Variants in XNDC1N observed in about 807,000 individuals in gnomAD.
The protein encoded by XNDC1N is protein XNDC1N.
At chr11:71,869,200 G>C in the XNDC1N span, among the ~76,000 whole-genome samples, 27,803 of 150,672 alleles carry the variant, frequency 0.18, 4,745 homozygotes, top group African/African-American at 0.45. Context: ...ATCCCTCCCC[G>C]CTCCCACTAC....
At chr11:71,875,450 A>C in the XNDC1N span, among the ~76,000 whole-genome samples, 2 of 152,148 alleles carry the variant, frequency 1.3e-5, no homozygotes, top group Non-Finnish European at 2.9e-5. Context: ...ATAGGCATAT[A>C]TGTGTTTGTC....
chr11:71,866,609 C>T, the XNDC1N span, among the ~76,000 whole-genome samples: 1 of 152,114 alleles, frequency 6.6e-6, no homozygotes, highest in East Asian at 1.9e-4. Context: ...ACTAAAAATA[C>T]AAAAATTAGC....
At chr11:71,925,048 G>A in the XNDC1N span, among the ~76,000 whole-genome samples, 3 of 151,460 alleles carry the variant, frequency 2.0e-5, no homozygotes, top group Non-Finnish European at 4.4e-5. Context: ...CATTGCCTCT[G>A]CTTGGAATGT....
At chr11:71,898,041 G>T in the XNDC1N span, among the ~76,000 whole-genome samples, 1 of 152,042 alleles carries the variant, frequency 6.6e-6, no homozygotes, top group Non-Finnish European at 1.5e-5. Flanking sequence ...AAAATGAAAC[G>T]AGCGTGGTGG....
the XNDC1N span, among the ~76,000 whole-genome samples, chr11:71,921,765 C>T: frequency 5.9e-5 from 9 of 151,952 alleles, no homozygotes; most frequent in Non-Finnish European, 1.0e-4. Context: ...CATACTTGTC[C>T]CCCTCTCCCT....
chr11:71,871,388 A>G, the XNDC1N span, among the ~76,000 whole-genome samples: 28,699 of 151,488 alleles, frequency 0.19, 4,956 homozygotes, highest in African/African-American at 0.46. Flanking sequence ...GTAAAGGGAT[A>G]AGGATATCAT....
chr11:71,909,729 G>A, the XNDC1N span, among the ~76,000 whole-genome samples: 1 of 152,172 alleles, frequency 6.6e-6, no homozygotes, highest in African/African-American at 2.4e-5. Flanking sequence ...CTTTCTGCTT[G>A]TCTCAGACTT....
At chr11:71,894,051 CA>C in the XNDC1N span, 1 of 574,224 alleles carries the variant, frequency 1.7e-6, no homozygotes. Context: ...ACAGCGTCAT[CA>C]ATAGCATATT....
At chr11:71,870,593 A>T in the XNDC1N span, among the ~76,000 whole-genome samples, 1 of 152,234 alleles carries the variant, frequency 6.6e-6, no homozygotes, top group Non-Finnish European at 1.5e-5. Flanking sequence ...AATTAAAGAG[A>T]CAGTCTACAG....
chr11:71,913,665 T>TAAAAAA, the XNDC1N span, among the ~76,000 whole-genome samples: 23 of 105,340 alleles, frequency 2.2e-4, no homozygotes, highest in South Asian at 3.0e-4. Context: ...TCTCAAAAGA[T>TAAAAAA]AAAAAAAAAA....
the XNDC1N span, among the ~76,000 whole-genome samples, chr11:71,919,389 C>CTTTT: frequency 3.7e-5 from 5 of 134,518 alleles, no homozygotes; most frequent in South Asian, 4.7e-4. Flanking sequence ...AAGCAGAGCT[C>CTTTT]TTTTTTTTTT....
chr11:71,918,380 C>A, the XNDC1N span, among the ~76,000 whole-genome samples: 1 of 152,032 alleles, frequency 6.6e-6, no homozygotes, highest in African/African-American at 2.4e-5. Flanking sequence ...CTCCTGGGCT[C>A]AGGTGATCCT....
At chr11:71,866,897 TA>T in the XNDC1N span, among the ~76,000 whole-genome samples, 1 of 152,164 alleles carries the variant, frequency 6.6e-6, no homozygotes, top group East Asian at 1.9e-4. Flanking sequence ...ATCGAGACAA[TA>T]GAGTTTCCAA....
chr11:71,887,749 G>A, the XNDC1N span, among the ~76,000 whole-genome samples: 35 of 152,290 alleles, frequency 2.3e-4, no homozygotes, highest in African/African-American at 5.3e-4. Context: ...ACTACCAGCC[G>A]GTACAGGATT....
the XNDC1N span, among the ~76,000 whole-genome samples, chr11:71,897,089 C>A: frequency 6.6e-6 from 1 of 152,168 alleles, no homozygotes; most frequent in Non-Finnish European, 1.5e-5. Context: ...AAAACTGGAT[C>A]AGAGACCTCA....
the XNDC1N span, among the ~76,000 whole-genome samples, chr11:71,895,242 G>T: frequency 3.9e-5 from 6 of 151,974 alleles, no homozygotes; most frequent in Non-Finnish European, 7.4e-5. Context: ...ATCTTCAAAT[G>T]CATTGTCCAG....
At chr11:71,903,131 T>C in the XNDC1N span, 1 of 655,498 alleles carries the variant, frequency 1.5e-6, no homozygotes. Flanking sequence ...GGTATTGGTT[T>C]ACTTGTTTCC....
chr11:71,873,106 C>G, the XNDC1N span, among the ~76,000 whole-genome samples: 370 of 152,042 alleles, frequency 2.4e-3, no homozygotes, highest in Middle Eastern at 0.01. Flanking sequence ...TGTTTTGTTT[C>G]TTATTTATGT....
the XNDC1N span, among the ~76,000 whole-genome samples, chr11:71,901,289 C>A: frequency 6.6e-6 from 1 of 152,072 alleles, no homozygotes; most frequent in African/African-American, 2.4e-5. Flanking sequence ...GTGGTTACGA[C>A]CTCTGAGCTC....
Sources: gnomAD v4.1 joint callset for allele counts (sites outside exome capture counted in the v4.1 genomes callset) on GRCh38, gnomAD v4.1.1 for gene constraint, MANE v1.5 for transcripts, NCBI Gene and HGNC (gene_info 2026-07-23, HGNC 2026-07-21) for gene names.